SIMC1: variants seen among roughly 807,000 people sequenced by gnomAD.
The protein encoded by SIMC1 is SUMO interacting motifs containing 1.
In SIMC1, 55 loss-of-function variants were observed where a neutral mutation model predicts 82.3. The observed-to-expected ratio is 0.67, with a 90% CI of 0.54 to 0.84. The LOEUF (loss-of-function observed/expected upper bound fraction) is 0.84, where lower values mean the gene tolerates loss of function less well. SIMC1 is among the 40% of genes least tolerant of loss of function. The pLI is 0.00. For missense variants in SIMC1, 915 were observed against 1,107.2 expected, an observed-to-expected ratio of 0.83 and a Z score of 2.46; for synonymous variants, 353 against 426.3, an observed-to-expected ratio of 0.83 and a Z score of 2.12.
chr5:176,296,933 T>C (rs943401854), intron 4 of SIMC1, among the ~76,000 whole-genome samples: 2 of 152,006 alleles, frequency 1.3e-5, no homozygotes, highest in Non-Finnish European at 2.9e-5. Context: ...CTACAGAGAA[T>C]GTAAGAGTGA....
chr5:176,253,005 C>T (rs1157536243), intron 1 of SIMC1, among the ~76,000 whole-genome samples: 2 of 152,128 alleles, frequency 1.3e-5, no homozygotes, highest in Non-Finnish European at 2.9e-5. Flanking sequence ...TCAGGCGTGG[C>T]GCGCGCGCCT....
chr5:176,323,760 G>T (rs529025386), intron 6 of SIMC1, among the ~76,000 whole-genome samples: 10 of 152,268 alleles, frequency 6.6e-5, no homozygotes, highest in African/African-American at 1.9e-4. Context: ...GCCAAGGCGG[G>T]TGGATCATGA....
Position 176,340,001 on chromosome 5 carries a change from C to T in SIMC1, c.2413+2855C>T, listed in dbSNP as rs567137019. 5.3e-5 allele frequency among the ~76,000 whole-genome samples: 8 copies of T among 152,280 alleles called. No homozygotes were observed. In the South Asian group the frequency reaches 1.7e-3, roughly 32 times the overall value. ...GCATTTTGAGATCAGTCTGAGTTGT[C>T]TAGCTCCACTAGTTGTCTAGCTGCA... On this transcript the variant is annotated intron_variant, in intron 9 of 9. Transcript: ENST00000429602.
chr5:176,243,570 G>A (rs974975895), intron 1 of SIMC1, among the ~76,000 whole-genome samples: 4 of 151,552 alleles, frequency 2.6e-5, no homozygotes, highest in Admixed American at 1.3e-4. Context: ...TGCCCAGGCT[G>A]TAGTGCAGTG....
At position 176,281,177 on chromosome 5, in the gene SIMC1, C is replaced by G. The variant is rs1762988667; in HGVS notation, c.130-8477C>G. Among the ~76,000 whole-genome samples, 3 of 152,242 alleles carry G rather than the reference C, an allele frequency of 2.0e-5. No homozygotes were observed. The South Asian group carries it at 6.2e-4, about 32-fold the overall frequency. ...ACTTCCCTTCTTGCTTCATTTCATT[C>G]ATTTCATCTTCCATCGCTGATACCC... is the stretch of plus-strand genomic sequence containing the variant. On this transcript the variant is annotated intron_variant, in intron 1 of 9. Transcript: ENST00000429602.
intron 1 of SIMC1, among the ~76,000 whole-genome samples, chr5:176,273,562 G>C (rs1762542055): frequency 6.6e-6 from 1 of 152,132 alleles, no homozygotes; most frequent in Admixed American, 6.6e-5. Flanking sequence ...GTGCAGGTTA[G>C]TTACATATGT....
At chr5:176,283,692 G>T (rs1020511055) in intron 1 of SIMC1, among the ~76,000 whole-genome samples, 23 of 152,142 alleles carry the variant, frequency 1.5e-4, no homozygotes, top group African/African-American at 5.6e-4. Flanking sequence ...CTTAAATGTA[G>T]ATGTGCCCAA....
At chr5:176,330,289 T>C (rs1765587914) in intron 7 of SIMC1, among the ~76,000 whole-genome samples, 1 of 151,836 alleles carries the variant, frequency 6.6e-6, no homozygotes, top group Non-Finnish European at 1.5e-5. Flanking sequence ...TTATCTCAGC[T>C]ACTTGGAAGC....
At chr5:176,316,901 C>A (rs180509) in intron 5 of SIMC1, among the ~76,000 whole-genome samples, 88,718 of 151,620 alleles carry the variant, frequency 0.59, 26,028 homozygotes, top group Middle Eastern at 0.63. Flanking sequence ...GCATGAGAAT[C>A]ATTTGAACCT....
intron 7 of SIMC1, among the ~76,000 whole-genome samples, chr5:176,335,109 AT>A (rs1407510199): frequency 2.0e-5 from 3 of 151,468 alleles, no homozygotes; most frequent in Admixed American, 6.6e-5. Flanking sequence ...AAAAAAAAAA[AT>A]AATAATAATA....
intron 4 of SIMC1, chr5:176,296,746 C>A: frequency 6.3e-6 from 1 of 157,672 alleles, no homozygotes; most frequent in Non-Finnish European, 1.4e-5. Flanking sequence ...CCCACCCCTG[C>A]CAAAAAATTC....
intron 5 of SIMC1, among the ~76,000 whole-genome samples, chr5:176,319,057 T>G (rs904261579): frequency 5.9e-5 from 9 of 152,144 alleles, no homozygotes; most frequent in African/African-American, 1.9e-4. Context: ...TGCACTGAGC[T>G]GAGATCGTGC....
At position 176,290,689 on chromosome 5, in the gene SIMC1, G is replaced by T; in HGVS notation, c.1165G>T (p.Ala389Ser). Residue 389 changes from alanine to serine, a missense_variant, in exon 2 of 10, where the codon GCT becomes TCT. Ala to Ser is a moderately conservative substitution (Grantham distance 99). Coordinates refer to ENST00000429602, the MANE Select transcript of SIMC1 (RefSeq NM_001308195.2). ...QNRDMPMDIS[A>S]LSSPSCSPSP... The stretch of plus-strand genomic sequence containing the variant: ...CCGTGACATGCCTATGGATATCTCA[G>T]CTCTGTCCTCTCCAAGCTGCTCTCC... 2 of 1,613,972 alleles carry T rather than the reference G, an allele frequency of 1.2e-6. No homozygotes were observed. The highest frequency in any genetic ancestry group is 2.7e-5 in the African/African-American group (2 of 75,016).
chr5:176,307,756 C>G (rs1764490857), intron 4 of SIMC1, among the ~76,000 whole-genome samples: 1 of 152,050 alleles, frequency 6.6e-6, no homozygotes, highest in Non-Finnish European at 1.5e-5. Flanking sequence ...TAAACATTGC[C>G]AAGAATGTGG....
chr5:176,293,756 A>AG (rs1763683273), intron 2 of SIMC1, among the ~76,000 whole-genome samples: 1 of 152,018 alleles, frequency 6.6e-6, no homozygotes, highest in Admixed American at 6.6e-5. Flanking sequence ...TCAAAAAAAA[A>AG]AAAAAAATTA....
chr5:176,251,198 A>G (rs1288946639), intron 1 of SIMC1, among the ~76,000 whole-genome samples: 3 of 152,136 alleles, frequency 2.0e-5, no homozygotes, highest in Admixed American at 1.3e-4. Context: ...TGTCTCTACT[A>G]AAAATACACA....
chr5:176,294,323 A>G (rs967236577), intron 2 of SIMC1, among the ~76,000 whole-genome samples: 6 of 152,172 alleles, frequency 3.9e-5, no homozygotes, highest in Non-Finnish European at 8.8e-5. Flanking sequence ...TCTGTCACCT[A>G]GGCTGGAGTG....
chr5:176,331,395 A>G (rs937849256), intron 7 of SIMC1, among the ~76,000 whole-genome samples: 17 of 149,744 alleles, frequency 1.1e-4, no homozygotes, highest in African/African-American at 4.2e-4. Context: ...AGTCAGTATC[A>G]TGAAAGACAA....
At chr5:176,285,989 C>T (rs1429536206) in intron 1 of SIMC1, among the ~76,000 whole-genome samples, 43 of 152,222 alleles carry the variant, frequency 2.8e-4, no homozygotes, top group East Asian at 5.8e-4. Context: ...TAAAAGAGGA[C>T]ACAAACAAAT....
Sources: allele counts gnomAD v4.1 joint callset (sites outside exome capture counted in the v4.1 genomes callset), GRCh38; gene constraint gnomAD v4.1.1; transcripts MANE v1.5; gene names NCBI Gene and HGNC (gene_info 2026-07-23, HGNC 2026-07-21).